The following PRKCE variants were observed in gnomAD, a reference collection of about 807,000 sequenced individuals.
PRKCE encodes protein kinase C epsilon.
Under a neutral mutation model 85.4 loss-of-function variants are expected in PRKCE, and 16 were observed. The observed-to-expected ratio is 0.19, with a 90% CI of 0.13 to 0.28. The LOEUF is 0.28. Ranked by LOEUF, PRKCE falls within the 10% of genes least tolerant of loss-of-function variation. The probability of loss-of-function intolerance (pLI) is 1.00; values close to 1 mark genes in which losing one functional copy is unlikely to be tolerated. For synonymous variants in PRKCE, 388 were observed against 371.5 expected (o/e 1.04, Z -0.51); for missense variants, 573 against 975.2 (o/e 0.59, Z 5.49).
At chr2:46,073,247 G>A (rs1466707564) in intron 10 of PRKCE, among the ~76,000 whole-genome samples, 5 of 152,216 alleles carry the variant, frequency 3.3e-5, no homozygotes, top group African/African-American at 4.8e-5. Context: ...ATGTTGCACA[G>A]AGGATTGGAG....
At chr2:45,857,055 T>A (rs1033084400) in intron 2 of PRKCE, among the ~76,000 whole-genome samples, 1 of 152,218 alleles carries the variant, frequency 6.6e-6, no homozygotes, top group African/African-American at 2.4e-5. Context: ...TCATTTCTTT[T>A]GGATATATAC....
At chr2:45,785,920 G>A (rs2105043956) in intron 1 of PRKCE, among the ~76,000 whole-genome samples, 2 of 152,278 alleles carry the variant, frequency 1.3e-5, no homozygotes, top group East Asian at 3.9e-4. Flanking sequence ...GGAGACAGCA[G>A]GGATGGCTCG....
chr2:45,980,247 A>G (rs772321871), intron 4 of PRKCE, 49 bp from the exon 5 acceptor site: 2 of 1,568,942 alleles, frequency 1.3e-6, no homozygotes, highest in South Asian at 2.2e-5. Context: ...TGGGAGGGAC[A>G]CTCCCTTTCC....
intron 2 of PRKCE, among the ~76,000 whole-genome samples, chr2:45,932,446 C>T (rs745673059): frequency 1.3e-5 from 2 of 152,158 alleles, no homozygotes; most frequent in Non-Finnish European, 2.9e-5. Context: ...ATTGCTGAGT[C>T]ATGGGTTGCA....
chr2:45,963,040 G>A (rs951487418), intron 2 of PRKCE, among the ~76,000 whole-genome samples: 14 of 152,160 alleles, frequency 9.2e-5, no homozygotes, highest in African/African-American at 3.1e-4. Flanking sequence ...CTGTTTCTGT[G>A]GAAAGACTTG....
intron 13 of PRKCE, among the ~76,000 whole-genome samples, chr2:46,152,181 GA>G (rs1386328027): frequency 6.6e-6 from 1 of 151,338 alleles, no homozygotes; most frequent in Non-Finnish European, 1.5e-5. Context: ...ATTTTACAAA[GA>G]AATTTTTTTT....
intron 11 of PRKCE, among the ~76,000 whole-genome samples, chr2:46,132,037 C>T (rs113108441): frequency 0.02 from 3,059 of 152,020 alleles, 103 homozygotes; most frequent in African/African-American, 0.061. Flanking sequence ...AAAAAATAAA[C>T]AAATATAAGT....
intron 1 of PRKCE, among the ~76,000 whole-genome samples, chr2:45,823,505 G>T (rs1689703338): frequency 6.6e-6 from 1 of 152,218 alleles, no homozygotes; most frequent in South Asian, 2.1e-4. Flanking sequence ...AGGAAAGTAA[G>T]TGGTGGATTT....
chr2:46,002,153 G>C (rs1704739339), intron 7 of PRKCE, among the ~76,000 whole-genome samples: 1 of 152,190 alleles, frequency 6.6e-6, no homozygotes, highest in African/African-American at 2.4e-5. Flanking sequence ...TGGTAAGTCA[G>C]GGCCCACAGA....
At chr2:46,016,500 A>G (rs1487344908) in intron 10 of PRKCE, among the ~76,000 whole-genome samples, 2 of 152,172 alleles carry the variant, frequency 1.3e-5, no homozygotes, top group Non-Finnish European at 2.9e-5. Context: ...GTTAATGCTC[A>G]TGTGTCCCAG....
At chr2:45,812,208 T>C (rs1688703644) in intron 1 of PRKCE, among the ~76,000 whole-genome samples, 1 of 152,216 alleles carries the variant, frequency 6.6e-6, no homozygotes, top group Non-Finnish European at 1.5e-5. Flanking sequence ...TCAAGATTTA[T>C]GTTTGGAGGG....
chr2:45,744,449 CTT>C (rs1342046244), intron 1 of PRKCE, among the ~76,000 whole-genome samples: 1 of 57,020 alleles, frequency 1.8e-5, no homozygotes, highest in African/African-American at 7.8e-5. Flanking sequence ...TTCTTTCTTT[CTT>C]TCTTTCTTTC....
chr2:46,146,498 A>G (rs1470273533), intron 12 of PRKCE, among the ~76,000 whole-genome samples: 4 of 152,236 alleles, frequency 2.6e-5, no homozygotes, highest in Non-Finnish European at 5.9e-5. Context: ...ATAAAAGAAG[A>G]TGGTATCCTC....
intron 1 of PRKCE, among the ~76,000 whole-genome samples, chr2:45,682,245 C>G (rs1199606486): frequency 6.6e-6 from 1 of 152,016 alleles, no homozygotes; most frequent in Admixed American, 6.6e-5. Context: ...TGATTTCTAA[C>G]TCATTTTTTA....
intron 2 of PRKCE, among the ~76,000 whole-genome samples, chr2:45,846,379 C>G (rs1179849899): frequency 1.3e-5 from 2 of 152,176 alleles, no homozygotes; most frequent in Non-Finnish European, 2.9e-5. Context: ...ATAGGTTCTT[C>G]TTCCCATGCC....
intron 1 of PRKCE, among the ~76,000 whole-genome samples, chr2:45,837,077 T>C (rs1447511907): frequency 1.3e-5 from 2 of 152,182 alleles, no homozygotes; most frequent in African/African-American, 4.8e-5. Context: ...ACCCCCAACA[T>C]GTAGGTGTAC....
chr2:45,717,773 A>G (rs1048338477), intron 1 of PRKCE, among the ~76,000 whole-genome samples: 1 of 152,216 alleles, frequency 6.6e-6, no homozygotes, highest in African/African-American at 2.4e-5. Context: ...CCGGTCATTA[A>G]TCTTTGAGCA....
intron 1 of PRKCE, among the ~76,000 whole-genome samples, chr2:45,821,366 C>T (rs1241297418): frequency 1.3e-5 from 2 of 152,170 alleles, no homozygotes; most frequent in African/African-American, 4.8e-5. Flanking sequence ...TGAGCAGCCT[C>T]TAAATGTAGG....
At position 45,652,543 on chromosome 2, in the gene PRKCE, G is replaced by C. The variant is rs1317820493; in HGVS notation, c.348+95G>C. 1.7e-6 allele frequency: 2 copies of C among 1,183,046 alleles called. No individual in the cohort carries two copies. Among genetic ancestry groups the C allele is most frequent in the East Asian group, 5.1e-5 (2 of 39,204 alleles). 73.3% of individuals were successfully genotyped at this position (1,183,046 alleles called of 1,614,324 possible). ...TGATCGTAGGGCTCCGGGACTTATTGACGACTGGGGTGTGTGTGCCTGTAA... is the reference window on the plus strand; with the variant it reads ...TGATCGTAGGGCTCCGGGACTTATTCACGACTGGGGTGTGTGTGCCTGTAA... On this transcript the variant is annotated intron_variant, in intron 1 of 14. Transcript: ENST00000306156. This position sits in a 1 kb window ranked among gnomAD's most constrained non-coding sequence, Gnocchi z 7.7.
Sources: allele counts gnomAD v4.1 joint callset (sites outside exome capture counted in the v4.1 genomes callset), GRCh38; gene constraint gnomAD v4.1.1; non-coding constraint Gnocchi (gnomAD v3.1); transcripts MANE v1.5; gene names NCBI Gene and HGNC (gene_info 2026-07-23, HGNC 2026-07-21).